The following DNAH10 variants were observed in gnomAD, a reference collection of about 807,000 sequenced individuals.
The protein encoded by DNAH10 is dynein axonemal heavy chain 10, also known as axonemal beta dynein heavy chain 10.
A neutral mutation model predicts 506.6 loss-of-function variants in DNAH10; 348 were observed. The ratio of observed to expected loss-of-function variants is 0.69; its 90% confidence interval spans 0.63 to 0.75. DNAH10 has a LOEUF of 0.75. Ranked by LOEUF, DNAH10 falls within the 30% of genes least tolerant of loss-of-function variation. The pLI, the probability that DNAH10 is intolerant of heterozygous loss-of-function variation, is 0.00. For synonymous variants in DNAH10, 2,059 were observed against 2,198.6 expected (o/e 0.94, Z 1.78); for missense variants, 5,179 against 5,787.1 (o/e 0.89, Z 3.41).
intron 30 of DNAH10, among the ~76,000 whole-genome samples, chr12:123,843,423 G>A (rs192965747): frequency 6.6e-6 from 1 of 152,230 alleles, no homozygotes; most frequent in Non-Finnish European, 1.5e-5. Context: ...CATCATTTCG[G>A]TGTCGTCCTC....
At position 123,835,646 on chromosome 12, in the gene DNAH10, A is replaced by T. The variant is rs553136784; in HGVS notation, c.4902+118A>T. 2.1e-4 allele frequency: 302 copies of T among 1,425,378 alleles called. No homozygotes were observed. In the African/African-American group the frequency reaches 4.0e-3, roughly 19 times the overall value. 88.3% of individuals were successfully genotyped at this position (1,425,378 alleles called of 1,614,324 possible). A position where few individuals can be genotyped will look rare whatever the true frequency, so the allele number is the denominator to read the frequency against. On this transcript the variant is annotated intron_variant, in intron 28 of 78. Coordinates refer to ENST00000673944, the MANE Select transcript of DNAH10 (RefSeq NM_001372106.1). ...GTAGCTTCTCTCTCATTTTTTAGAG[A>T]CAGGGTTTTGCTCTGTTGCCCAGGC...
intron 26 of DNAH10, among the ~76,000 whole-genome samples, chr12:123,832,463 T>C (rs1960670215): frequency 1.3e-5 from 2 of 151,868 alleles, no homozygotes; most frequent in African/African-American, 4.8e-5. Flanking sequence ...AATATACATA[T>C]AATGTACACA....
chr12:123,853,117 G>A lies in DNAH10; in HGVS notation c.6292-89G>A, dbSNP rs183668076. 7 of 1,344,450 alleles carry A rather than the reference G, an allele frequency of 5.2e-6. No homozygotes were observed. The highest frequency in any genetic ancestry group is 2.0e-5 in the South Asian group (1 of 51,008). 83.3% of individuals were successfully genotyped at this position (1,344,450 alleles called of 1,614,324 possible). ...CAGCTGCACTGGAACACCTGCCCCC[G>A]TTTTCTTGCATTTGTAGAATGATGC... On this transcript the variant is annotated intron_variant, in intron 35 of 78. Transcript: ENST00000673944. The surrounding 1 kb of genome is among the most constrained non-coding windows in gnomAD (Gnocchi z 4.7).
In DNAH10 at chr12:123,917,737, C is replaced by T. The variant is rs751039424; in HGVS notation, c.11156C>T (p.Ala3719Val). 5.7e-6 allele frequency: 9 copies of T among 1,570,654 alleles called. No homozygotes were observed. Among genetic ancestry groups the T allele is most frequent in the African/African-American group, 2.7e-5 (2 of 73,752 alleles). The change falls in exon 64 of 79, where the codon GCC becomes GTC. Residue 3719 changes from alanine to valine, a missense_variant. By Grantham distance (64) the Ala-to-Val change is moderately conservative. Coordinates refer to ENST00000673944, the MANE Select transcript of DNAH10 (RefSeq NM_001372106.1). This position sits in a 1 kb window ranked among gnomAD's most constrained non-coding sequence, Gnocchi z 5.6. The stretch of plus-strand genomic sequence containing the variant: ...GAAGATTCCCTCCTTCGGGAGCTGG[C>T]CACGTCCACGGGGAACATGCTGGAC... Reference protein sequence around the residue: ...DLEDSLLRELATSTGNMLDNV... With the variant: ...DLEDSLLRELVTSTGNMLDNV...
chr12:123,900,344 C>A (rs986299800), intron 56 of DNAH10, among the ~76,000 whole-genome samples: 1 of 152,198 alleles, frequency 6.6e-6, no homozygotes, highest in African/African-American at 2.4e-5. Context: ...TCTGTCCAGT[C>A]AGCAGATACT....
intron 11 of DNAH10, among the ~76,000 whole-genome samples, chr12:123,792,442 TC>T (rs974897227): frequency 7.4e-6 from 1 of 135,688 alleles, no homozygotes; most frequent in Admixed American, 8.2e-5. Flanking sequence ...ACCTTTTTTT[TC>T]CTTTGTCCTT....
intron 52 of DNAH10, among the ~76,000 whole-genome samples, chr12:123,891,596 G>A (rs1952986371): frequency 6.6e-6 from 1 of 151,506 alleles, no homozygotes; most frequent in South Asian, 2.1e-4. Context: ...GCGAGAGACT[G>A]AGAGGGCAGG....
chr12:123,852,013 C>T (rs1043413598), intron 35 of DNAH10, among the ~76,000 whole-genome samples: 1 of 152,156 alleles, frequency 6.6e-6, no homozygotes, highest in Non-Finnish European at 1.5e-5. Flanking sequence ...TCCAGTAATC[C>T]TCCCACCTCA....
At chr12:123,777,019 G>A (rs919202924) in intron 5 of DNAH10, among the ~76,000 whole-genome samples, 3 of 152,150 alleles carry the variant, frequency 2.0e-5, no homozygotes, top group African/African-American at 4.8e-5. Context: ...TGGGGCTTTT[G>A]CAATTTTAGA....
intron 19 of DNAH10, among the ~76,000 whole-genome samples, chr12:123,812,379 A>G (rs1479062689): frequency 6.6e-6 from 1 of 152,160 alleles, no homozygotes; most frequent in African/African-American, 2.4e-5. Flanking sequence ...TGAACCCAGG[A>G]GGCAGAGCTT....
At position 123,787,758 on chromosome 12, in the gene DNAH10, C is replaced by G. The variant is rs751868475; in HGVS notation, c.1422-46C>G. On this transcript the variant is annotated intron_variant, in intron 9 of 78. Coordinates refer to ENST00000673944, the MANE Select transcript of DNAH10 (RefSeq NM_001372106.1). The surrounding 1 kb of genome is among the most constrained non-coding windows in gnomAD (Gnocchi z 4.6). Reference sequence around the variant, plus strand: ...CCCAGCCGGGGAGTGCGGCTCGGACCCGGAGCTCCGCCCTCCTCCCATCAC... The same window carrying G: ...CCCAGCCGGGGAGTGCGGCTCGGACGCGGAGCTCCGCCCTCCTCCCATCAC... 4.4e-6 allele frequency: 7 copies of G among 1,586,330 alleles called. No individual in the cohort carries two copies. Among genetic ancestry groups the G allele is most frequent in the Non-Finnish European group, 6.0e-6 (7 of 1,167,288 alleles).
intron 30 of DNAH10, 46 bp from the exon 31 acceptor site, chr12:123,845,554 G>T: frequency 3.1e-6 from 5 of 1,602,630 alleles, no homozygotes; most frequent in Non-Finnish European, 4.3e-6. Context: ...TTGGGTACCA[G>T]TCCCCGGATT....
intron 38 of DNAH10, 86 bp downstream of exon 38, chr12:123,859,354 G>T: frequency 9.0e-7 from 1 of 1,115,342 alleles, no homozygotes; most frequent in Non-Finnish European, 1.2e-6. Context: ...GTCCCACTTT[G>T]CTCTCTGATT....
At chr12:123,896,148 C>CACAGAG (rs1383690518) in intron 54 of DNAH10, among the ~76,000 whole-genome samples, 52 of 95,302 alleles carry the variant, frequency 5.5e-4, no homozygotes, top group East Asian at 1.5e-3. Context: ...CACACACACA[C>CACAGAG]AGAGAGAGAG....
In DNAH10 at chr12:123,917,552, A is replaced by G; in HGVS notation, c.11003-32A>G. Reference sequence around the variant, plus strand: ...GGGAGAGACTGTTGTTGGGGGCCGCAGGTGGTGAGGGCCTCTCACTGTCCC... The same window carrying G: ...GGGAGAGACTGTTGTTGGGGGCCGCGGGTGGTGAGGGCCTCTCACTGTCCC... On this transcript the variant is annotated intron_variant, in intron 63 of 78. Transcript: ENST00000673944. This position sits in a 1 kb window ranked among gnomAD's most constrained non-coding sequence, Gnocchi z 5.6. 1 of 1,541,950 alleles carries G rather than the reference A, an allele frequency of 6.5e-7. No homozygotes were observed. The highest frequency in any genetic ancestry group is 2.4e-5 in the East Asian group (1 of 40,840).
At chr12:123,875,538 G>A in intron 47 of DNAH10, 47 bp downstream of exon 47, 3 of 1,606,994 alleles carry the variant, frequency 1.9e-6, no homozygotes, top group Non-Finnish European at 2.6e-6. Flanking sequence ...CCTTGTGTTG[G>A]GGGGAAACAT....
chr12:123,790,454 C>A (rs544660165), intron 11 of DNAH10, among the ~76,000 whole-genome samples: 1 of 152,000 alleles, frequency 6.6e-6, no homozygotes, highest in Non-Finnish European at 1.5e-5. Context: ...AATCACAAAG[C>A]GCCCTGTGAG....
At chr12:123,873,263 C>T (rs1027487859) in intron 45 of DNAH10, among the ~76,000 whole-genome samples, 5 of 152,190 alleles carry the variant, frequency 3.3e-5, no homozygotes, top group Admixed American at 2.0e-4. Flanking sequence ...TTTTGGAAGT[C>T]GCCTTGCTAG....
At chr12:123,929,056 G>C (rs1431829891) in intron 70 of DNAH10, 1 of 601,624 alleles carries the variant, frequency 1.7e-6, no homozygotes, top group South Asian at 2.1e-5. Context: ...TCATGGTTCA[G>C]AGGAAGGTCA....
Sources: allele counts gnomAD v4.1 joint callset (sites outside exome capture counted in the v4.1 genomes callset), GRCh38; gene constraint gnomAD v4.1.1; non-coding constraint Gnocchi (gnomAD v3.1); transcripts MANE v1.5; gene names NCBI Gene and HGNC (gene_info 2026-07-23, HGNC 2026-07-21).